Variants in MRTFA observed in about 807,000 individuals in gnomAD.
MRTFA encodes myocardin-related transcription factor A.
MRTFA carries 20 observed loss-of-function variants against 83.5 expected under a neutral mutation model. The ratio of observed to expected loss-of-function variants is 0.24; its 90% confidence interval spans 0.17 to 0.35. MRTFA has a LOEUF of 0.35. Ranked by LOEUF, MRTFA falls within the 10% of genes least tolerant of loss-of-function variation. The pLI, the probability that MRTFA is intolerant of heterozygous loss-of-function variation, is 1.00. For synonymous variants in MRTFA, 659 were observed against 541.2 expected (o/e 1.22, Z -3.02); for missense variants, 1,200 against 1,224.7 (o/e 0.98, Z 0.30).
At chr22:40,437,848 C>T (rs989532519) in intron 4 of MRTFA, among the ~76,000 whole-genome samples, 1 of 151,888 alleles carries the variant, frequency 6.6e-6, no homozygotes, top group Non-Finnish European at 1.5e-5. Flanking sequence ...ATGTCCCCAT[C>T]AGAGCACAGC....
rs1394996627 is a variant in MRTFA at position 40,420,459 on chromosome 22, G to A, written c.1299C>T (p.Ser433=). 6 of 1,613,770 alleles carry A rather than the reference G, an allele frequency of 3.7e-6. No individual in the cohort carries two copies. Among genetic ancestry groups the A allele is most frequent in the South Asian group, 1.1e-5 (1 of 91,088 alleles). Residue 433 remains serine, a synonymous_variant, in exon 11 of 15, where the codon AGC becomes AGT. Coordinates refer to ENST00000355630, the MANE Select transcript of MRTFA (RefSeq NM_020831.6). ...CTCCCGGCTTGCCAGTCAGTGAGGT[G>A]CTGTTCTGACGTGCCAGCCCACAGG...
At chr22:40,476,306 C>A (rs1044937763) in intron 3 of MRTFA, among the ~76,000 whole-genome samples, 2 of 152,092 alleles carry the variant, frequency 1.3e-5, no homozygotes, top group Non-Finnish European at 2.9e-5. Flanking sequence ...TAAAAAGATA[C>A]GAAAGAGAAG....
At chr22:40,451,723 C>G (rs2053489808) in intron 4 of MRTFA, among the ~76,000 whole-genome samples, 1 of 152,172 alleles carries the variant, frequency 6.6e-6, no homozygotes, top group Non-Finnish European at 1.5e-5. Context: ...TTCTAGGCTT[C>G]TCTTTGACAT....
chr22:40,575,384 T>G (rs987342650), intron 2 of MRTFA, among the ~76,000 whole-genome samples: 30 of 152,210 alleles, frequency 2.0e-4, no homozygotes, highest in African/African-American at 6.8e-4. Flanking sequence ...GATTTAGATA[T>G]AAAATATTGA....
intron 1 of MRTFA, among the ~76,000 whole-genome samples, chr22:40,599,509 AT>A (rs2056232952): frequency 6.6e-6 from 1 of 152,142 alleles, no homozygotes; most frequent in African/African-American, 2.4e-5. Flanking sequence ...AAAAAAAGCA[AT>A]TTCATAGAAT....
At chr22:40,568,061 G>T (rs889026867) in intron 2 of MRTFA, among the ~76,000 whole-genome samples, 1 of 152,148 alleles carries the variant, frequency 6.6e-6, no homozygotes. Flanking sequence ...ACACTCAGAG[G>T]AAAGTGTATA....
rs192949802 is a variant in MRTFA at position 40,479,096 on chromosome 22, T to C, written c.242-15810A>G. ...TCATTTTCTAACAAAGAGCAGCCTG[T>C]AAAGTTGAGCTGCTGAAATAGATAA... On this transcript the variant is annotated intron_variant, in intron 3 of 14. Transcript: ENST00000355630. Among the ~76,000 whole-genome samples the C allele has an allele frequency of 8.9e-4, 135 of 152,228 alleles. 1 individual carries two copies. In the Middle Eastern group the frequency reaches 0.02, roughly 23 times the overall value.
At chr22:40,571,475 T>C (rs890860764) in intron 2 of MRTFA, among the ~76,000 whole-genome samples, 1 of 151,854 alleles carries the variant, frequency 6.6e-6, no homozygotes, top group African/African-American at 2.4e-5. Context: ...AAGGATAATA[T>C]CAAGAGGTGA....
intron 1 of MRTFA, among the ~76,000 whole-genome samples, chr22:40,604,421 T>C (rs2056295602): frequency 6.6e-6 from 1 of 151,312 alleles, no homozygotes; most frequent in Non-Finnish European, 1.5e-5. Context: ...TGAGCCACCG[T>C]ACCCGGCCCT....
intron 3 of MRTFA, among the ~76,000 whole-genome samples, chr22:40,489,348 A>ATT (rs763038203): frequency 1.2e-4 from 18 of 144,770 alleles, no homozygotes; most frequent in Admixed American, 1.4e-4. Context: ...ATAATTTCAA[A>ATT]TTTTTTTTTT....
chr22:40,572,249 G>A (rs1327232838), intron 2 of MRTFA, among the ~76,000 whole-genome samples: 1 of 152,128 alleles, frequency 6.6e-6, no homozygotes, highest in Non-Finnish European at 1.5e-5. Context: ...TTCTCTTTGA[G>A]GTGATAAAAA....
At chr22:40,619,962 G>C (rs755618362) in intron 1 of MRTFA, among the ~76,000 whole-genome samples, 2 of 149,728 alleles carry the variant, frequency 1.3e-5, no homozygotes, top group Non-Finnish European at 3.0e-5. Context: ...GATCACAAAA[G>C]ATTTATTTAT....
chr22:40,511,081 G>GA (rs1483042001), intron 3 of MRTFA, among the ~76,000 whole-genome samples: 1 of 152,144 alleles, frequency 6.6e-6, no homozygotes, highest in Non-Finnish European at 1.5e-5. Flanking sequence ...GGTAGTTAGC[G>GA]AAAGTATCTT....
intron 12 of MRTFA, among the ~76,000 whole-genome samples, chr22:40,417,973 G>A (rs965193186): frequency 6.6e-6 from 1 of 152,154 alleles, no homozygotes; most frequent in African/African-American, 2.4e-5. Flanking sequence ...TAGCCTCTCT[G>A]AGGAGAGGAC....
intron 3 of MRTFA, among the ~76,000 whole-genome samples, chr22:40,549,525 A>G (rs913368603): frequency 8.5e-5 from 13 of 152,360 alleles, no homozygotes; most frequent in Admixed American, 7.2e-4. Context: ...AGTGTTGAAA[A>G]TCAGGATGGT....
chr22:40,524,287 C>A lies in MRTFA; in HGVS notation c.241+27819G>T, dbSNP rs117410690. On this transcript the variant is annotated intron_variant, in intron 3 of 14. Transcript: ENST00000355630. ...CTCCACCCTGGGCAGCAGAGTGAGA[C>A]CCTGGCTCAAAAATAAAAGCTACAC... 7.1e-4 allele frequency among the ~76,000 whole-genome samples: 108 copies of A among 152,220 alleles called. 2 individuals carry two copies. In the East Asian group the frequency reaches 0.02, roughly 28 times the overall value.
At chr22:40,507,958 G>A (rs1435236535) in intron 3 of MRTFA, among the ~76,000 whole-genome samples, 1 of 100,696 alleles carries the variant, frequency 9.9e-6, no homozygotes, top group African/African-American at 4.0e-5. Flanking sequence ...GCAAGAGAGA[G>A]CAAGACTCCA....
chr22:40,490,376 G>A (rs1472738070), intron 3 of MRTFA, among the ~76,000 whole-genome samples: 3 of 152,052 alleles, frequency 2.0e-5, no homozygotes, highest in Admixed American at 6.6e-5. Flanking sequence ...CAAGGCCGGC[G>A]GATCATGAGG....
chr22:40,562,883 T>C (rs970977032), intron 2 of MRTFA, among the ~76,000 whole-genome samples: 2 of 152,114 alleles, frequency 1.3e-5, no homozygotes, highest in Admixed American at 6.5e-5. Context: ...TCTCAACGAA[T>C]TGGGTAGCCA....
Sources: allele counts gnomAD v4.1 joint callset (sites outside exome capture counted in the v4.1 genomes callset), GRCh38; gene constraint gnomAD v4.1.1; transcripts MANE v1.5; gene names NCBI Gene and HGNC (gene_info 2026-07-23, HGNC 2026-07-21).